SHH: variants seen among roughly 807,000 people sequenced by gnomAD.
The protein encoded by SHH is sonic hedgehog protein.
Under a neutral mutation model 16.6 loss-of-function variants are expected in SHH, and 3 were observed. The ratio of observed to expected loss-of-function variants is 0.18; its 90% CI spans 0.08 to 0.47. The LOEUF is 0.47. SHH is among the 20% of genes least tolerant of loss of function. The pLI, the probability that SHH is intolerant of heterozygous loss-of-function variation, is 0.98. For missense variants in SHH, 499 were observed against 665.0 expected, an observed-to-expected ratio of 0.75 and a Z score of 2.75; for synonymous variants, 351 against 316.2, an observed-to-expected ratio of 1.11 and a Z score of -1.17.
chr7:155,810,900 C>T (rs540240728), intron 1 of SHH, among the ~76,000 whole-genome samples: 1 of 152,350 alleles, frequency 6.6e-6, no homozygotes, highest in Non-Finnish European at 1.5e-5. Context: ...CATGGAGTTT[C>T]AGAAAGTCTA....
At position 155,800,965 on chromosome 7, in the gene SHH, T is replaced by C; in HGVS notation, c.*1935A>G. ...AGCGCAACTCTTCCAAGGCCCAGCC[T>C]GCTCAGACGATTCGGCCCAAAGCAC... On this transcript the variant is annotated 3_prime_UTR_variant, in exon 3 of 3. Coordinates refer to ENST00000297261, the MANE Select transcript of SHH (RefSeq NM_000193.4). 1 of 212,014 alleles carries C rather than the reference T, an allele frequency of 4.7e-6. No individual in the cohort carries two copies. The highest frequency in any genetic ancestry group is 7.0e-5 in the South Asian group (1 of 14,186). The allele number at this position is 212,014 out of a possible 1,614,324, so 13.1% of individuals were successfully genotyped here. A position where few individuals can be genotyped will look rare whatever the true frequency, so the allele number is the denominator to read the frequency against.
chr7:155,803,026 G>T lies in SHH; in HGVS notation c.1263C>A (p.Ala421=). The T allele has an allele frequency of 6.4e-7, 1 of 1,561,820 alleles. No homozygotes were observed. The highest frequency in any genetic ancestry group is 2.5e-5 in the East Asian group (1 of 39,786). The part of the protein sequence containing the change: ...GRVALTAPGA[A]DAPGAGATAG... The stretch of plus-strand genomic sequence containing the variant: ...CGGTGGCCCCCGCACCCGGAGCGTC[G>T]GCAGCACCTGGAGCGGTTAGGGCTA... Residue 421 remains alanine (A), a synonymous_variant, in exon 3 of 3, where the codon GCC becomes GCA. Coordinates refer to ENST00000297261, the MANE Select transcript of SHH (RefSeq NM_000193.4).
intron 1 of SHH, among the ~76,000 whole-genome samples, chr7:155,811,495 A>T (rs1011264294): frequency 1.3e-5 from 2 of 152,154 alleles, no homozygotes; most frequent in Non-Finnish European, 2.9e-5. Flanking sequence ...ACGCCCCCAA[A>T]GTGAAGGTCT....
At position 155,800,076 on chromosome 7, in the gene SHH, G is replaced by T. The variant is rs868096125; in HGVS notation, c.*2824C>A. On this transcript the variant is annotated 3_prime_UTR_variant, in exon 3 of 3. Transcript: ENST00000297261. The stretch of plus-strand genomic sequence containing the variant: ...TACACGTTTTGACAGGAATAGATAT[G>T]CATTTAGTCATGAGGGAGGCTGGCA... The T allele has an allele frequency of 2.3e-5, 11 of 471,560 alleles. No homozygotes were observed. In the Middle Eastern group the frequency reaches 1.9e-3, roughly 83 times the overall value. 29.2% of individuals were successfully genotyped at this position (471,560 alleles called of 1,614,324 possible).
rs771163472 is a variant in SHH, at chr7:155,812,109, G to A, written c.14C>T (p.Ala5Val). 6.2e-7 allele frequency: 1 copy of A among 1,614,070 alleles called. No individual in the cohort carries two copies. Among genetic ancestry groups the A allele is most frequent in the South Asian group, 1.1e-5 (1 of 91,078 alleles). MLLL[A>V]RCLLLVLVSS... is the part of the protein sequence containing the mutation. The stretch of plus-strand genomic sequence containing the variant: ...GACGAGGACTAGCAGCAGACATCTC[G>A]CCAGCAGCAGCATCTCGCCCATGGA... Residue 5 changes from alanine to valine, a missense_variant, in exon 1 of 3, where the codon GCG becomes GTG. This residue lies in a region of SHH where 75 missense variants were observed against 115.0 expected (regional missense o/e 0.65). Coordinates refer to ENST00000297261, the MANE Select transcript of SHH (RefSeq NM_000193.4).
At chr7:155,804,556 A>ACCCCCCCCCCCCCCCCCCCC (rs111407140) in intron 2 of SHH, among the ~76,000 whole-genome samples, 1 of 130,854 alleles carries the variant, frequency 7.6e-6, no homozygotes, top group African/African-American at 2.9e-5. Context: ...CTCAGGTGCA[A>ACCCCCCCCCCCCCCCCCCCC]CCCCCCCCCA....
At chr7:155,810,092 C>G (rs1464740585) in intron 1 of SHH, among the ~76,000 whole-genome samples, 1 of 152,192 alleles carries the variant, frequency 6.6e-6, no homozygotes, top group Non-Finnish European at 1.5e-5. Context: ...CAGCCCAGCC[C>G]CTCGCGCACT....
At position 155,806,206 on chromosome 7, in the gene SHH, C is replaced by A. The variant is rs952427232; in HGVS notation, c.562+90G>T. On this transcript the variant is annotated intron_variant, in intron 2 of 2. Coordinates refer to ENST00000297261, the MANE Select transcript of SHH (RefSeq NM_000193.4). ...AGCGACCCTGCTCCTGGCCCTCAGC[C>A]TCCCCCCAGGTTTCTTTTTCTCTTG... The A allele has an allele frequency of 2.6e-5, 40 of 1,537,800 alleles. 1 individual carries two copies. In the Middle Eastern group the frequency reaches 8.8e-4, roughly 34 times the overall value.
rs779943993 is a variant in SHH at position 155,803,412 on chromosome 7, G to A, written c.877C>T (p.Pro293Ser). 1 of 1,523,670 alleles carries A rather than the reference G, an allele frequency of 6.6e-7. No individual in the cohort carries two copies. The highest frequency in any genetic ancestry group is 1.2e-5 in the South Asian group (1 of 82,752). The allele number at this position is 1,523,670 out of a possible 1,614,324, so 94.4% of individuals were successfully genotyped here. A position where few individuals can be genotyped will look rare whatever the true frequency, so the allele number is the denominator to read the frequency against. Residue 293 changes from proline (P) to serine (S), a missense_variant, in exon 3 of 3, where the codon CCG (proline) becomes TCG (serine). By Grantham distance (74) the Pro-to-Ser change is moderately conservative. This residue lies in a region of SHH where 299 missense variants were observed against 301.1 expected (regional missense o/e 0.99). Coordinates refer to ENST00000297261, the MANE Select transcript of SHH (RefSeq NM_000193.4). ...GEPEASSGSG[P>S]PSGGALGPRA... ...GGCCCCAGTGCGCCCCCGGAAGGCG[G>A]CCCCGAGCCCGAGGACGCCTCGGGC...
rs919141909 is a variant in SHH, at chr7:155,811,678, G to A, written c.300+145C>T. The A allele has an allele frequency of 9.6e-6, 8 of 833,098 alleles. No homozygotes were observed. In the African/African-American group the frequency reaches 1.3e-4, roughly 14 times the overall value. The allele number at this position is 833,098 out of a possible 1,614,324, so 51.6% of individuals were successfully genotyped here. On this transcript the variant is annotated intron_variant, in intron 1 of 2. Coordinates refer to ENST00000297261, the MANE Select transcript of SHH (RefSeq NM_000193.4). ...CTCCTCCAGGAAGAGGAAGAGATGG[G>A]GGGCGGGCAGGTGGGTGGGGAAGGA...
chr7:155,805,449 A>G (rs1803331262), intron 2 of SHH, among the ~76,000 whole-genome samples: 1 of 152,238 alleles, frequency 6.6e-6, no homozygotes, highest in Non-Finnish European at 1.5e-5. Context: ...ACAAGTAGGG[A>G]AGCCTGGAAG....
chr7:155,811,389 C>A (rs1358470749), intron 1 of SHH, among the ~76,000 whole-genome samples: 1 of 152,194 alleles, frequency 6.6e-6, no homozygotes. Flanking sequence ...AGGCTACGTT[C>A]GTTCGTTCGT....
intron 2 of SHH, 44 bp downstream of exon 2, chr7:155,806,252 A>G (rs780612817): frequency 4.3e-6 from 7 of 1,612,132 alleles, no homozygotes; most frequent in Admixed American, 1.7e-5. Flanking sequence ...AGGTGCGCCA[A>G]TGGCCTTCCT....
rs1385763134 is a variant in SHH at position 155,802,252 on chromosome 7, AAAT to A, written c.*645_*647del. ...GTTACATCGGAAACTAGTTAAATTA[AAAT>A]AATATATTTTCATATTTTACACTAT... On this transcript the variant is annotated 3_prime_UTR_variant, in exon 3 of 3. Coordinates refer to ENST00000297261, the MANE Select transcript of SHH (RefSeq NM_000193.4). The A allele has an allele frequency of 6.6e-6, 1 of 152,242 alleles. No homozygotes were observed. Among genetic ancestry groups the A allele is most frequent in the Non-Finnish European group, 1.5e-5 (1 of 68,054 alleles). 9.4% of individuals were successfully genotyped at this position (152,242 alleles called of 1,614,324 possible).
chr7:155,810,959 G>A (rs1393801538), intron 1 of SHH, among the ~76,000 whole-genome samples: 1 of 152,210 alleles, frequency 6.6e-6, no homozygotes, highest in Admixed American at 6.5e-5. Context: ...GAGGTGGGGA[G>A]AGAGAGAGGA....
chr7:155,806,652 A>C, intron 1 of SHH, 95 bp from the exon 2 acceptor site: 24 of 1,499,002 alleles, frequency 1.6e-5, no homozygotes, highest in Non-Finnish European at 2.1e-5. Flanking sequence ...GCCCAGTCTC[A>C]AGGCGCGAGG....
Position 155,803,175 on chromosome 7 carries a change from A to G in SHH, c.1114T>C (p.Trp372Arg), listed in dbSNP as rs1265911355. 4.8e-6 allele frequency: 7 copies of G among 1,467,628 alleles called. No homozygotes were observed. Among genetic ancestry groups the G allele is most frequent in the Non-Finnish European group, 6.3e-6 (7 of 1,110,354 alleles). The allele number at this position is 1,467,628 out of a possible 1,614,324, so 90.9% of individuals were successfully genotyped here. Residue 372 changes from tryptophan (W) to arginine (R), a missense_variant, in exon 3 of 3, where the codon TGG becomes CGG. Physicochemically the swap from Trp to Arg is moderately radical, Grantham distance 101 (BLOSUM62 -3). Transcript: ENST00000297261. ...SCYAVIEEHS[W>R]AHRAFAPFRL... ...AAGGGCGCGAAGGCCCGGTGCGCCC[A>G]GCTGTGCTCCTCGATGACCGCGTAG...
At chr7:155,804,747 A>G (rs1029567888) in intron 2 of SHH, among the ~76,000 whole-genome samples, 2 of 150,212 alleles carry the variant, frequency 1.3e-5, no homozygotes, top group African/African-American at 4.9e-5. Flanking sequence ...CACTGTCCCC[A>G]GGACAATAAT....
chr7:155,806,685 C>CG, intron 1 of SHH, 128 bp from the exon 2 acceptor site: 2 of 1,220,042 alleles, frequency 1.6e-6, no homozygotes, highest in Non-Finnish European at 1.2e-6. Flanking sequence ...GGTGGGGAGA[C>CG]GGGGGTTGGA....
Sources: gnomAD v4.1 joint callset for allele counts (sites outside exome capture counted in the v4.1 genomes callset) on GRCh38, gnomAD v4.1.1 for gene constraint, gnomAD v4.1.1 regional missense constraint, MANE v1.5 for transcripts, NCBI Gene and HGNC (gene_info 2026-07-23, HGNC 2026-07-21) for gene names.